PLCB4: variants seen among roughly 807,000 people sequenced by gnomAD.
PLCB4 encodes the protein 1-phosphatidylinositol 4,5-bisphosphate phosphodiesterase beta-4.
Under a neutral mutation model 178.8 loss-of-function variants are expected in PLCB4, and 77 were observed. The observed-to-expected ratio is 0.43, with a 90% CI of 0.36 to 0.52. PLCB4 has a LOEUF of 0.52. PLCB4 is among the 20% of genes least tolerant of loss of function. The pLI, the probability that PLCB4 is intolerant of heterozygous loss-of-function variation, is 0.00. For missense variants in PLCB4, 1,024 were observed against 1,453.4 expected (o/e 0.70, Z 4.80); for synonymous variants, 496 against 490.8 (o/e 1.01, Z -0.14).
At chr20:9,461,479 G>T (rs1048147451) in intron 35 of PLCB4, among the ~76,000 whole-genome samples, 1 of 152,178 alleles carries the variant, frequency 6.6e-6, no homozygotes, top group African/African-American at 2.4e-5. Context: ...AAGCACAAGG[G>T]GTCAGGGGAC....
intron 1 of PLCB4, among the ~76,000 whole-genome samples, chr20:9,083,624 A>G (rs6140857): frequency 0.49 from 73,899 of 151,798 alleles, 18,472 homozygotes; most frequent in Middle Eastern, 0.56. Flanking sequence ...CAGGTTAGGT[A>G]TAATTACGAC....
At chr20:9,362,718 T>A (rs2148237069) in intron 7 of PLCB4, among the ~76,000 whole-genome samples, 178 bp from the exon 8 acceptor site, 1 of 152,340 alleles carries the variant, frequency 6.6e-6, no homozygotes, top group African/African-American at 2.4e-5. Context: ...GAATGAAAGC[T>A]GTTTATTAAA....
chr20:9,124,265 G>A (rs887426337), intron 2 of PLCB4, among the ~76,000 whole-genome samples: 3 of 152,106 alleles, frequency 2.0e-5, no homozygotes, highest in African/African-American at 7.2e-5. Flanking sequence ...CAGAACTTCG[G>A]GAGACTGAAG....
At chr20:9,407,377 T>TTG in intron 21 of PLCB4, among the ~76,000 whole-genome samples, 1 of 151,770 alleles carries the variant, frequency 6.6e-6, no homozygotes, top group South Asian at 2.1e-4. Flanking sequence ...AATTTCTTTT[T>TTG]TTTTTTTTTT....
chr20:9,234,549 A>T (rs2093971542), intron 3 of PLCB4, among the ~76,000 whole-genome samples: 1 of 152,162 alleles, frequency 6.6e-6, no homozygotes, highest in African/African-American at 2.4e-5. Flanking sequence ...AGAATGTTTC[A>T]AATAAGAGAG....
chr20:9,379,472 A>G (rs1287906648), intron 12 of PLCB4, among the ~76,000 whole-genome samples: 1 of 152,176 alleles, frequency 6.6e-6, no homozygotes, highest in Non-Finnish European at 1.5e-5. Flanking sequence ...CATCATTACA[A>G]TTGGTTCGTT....
chr20:9,112,348 G>A (rs1225909770), intron 2 of PLCB4, among the ~76,000 whole-genome samples: 2 of 150,670 alleles, frequency 1.3e-5, no homozygotes, highest in Non-Finnish European at 3.0e-5. Flanking sequence ...TCTGCCTCCT[G>A]GGTTCAAGTG....
At chr20:9,393,497 A>T in intron 17 of PLCB4, 91 bp from the exon 18 acceptor site, 1 of 808,972 alleles carries the variant, frequency 1.2e-6, no homozygotes, top group Non-Finnish European at 2.0e-6. Context: ...GGGTTGCATC[A>T]CTCCCAGGCC....
At chr20:9,312,759 A>G (rs998565230) in intron 4 of PLCB4, among the ~76,000 whole-genome samples, 1 of 152,202 alleles carries the variant, frequency 6.6e-6, no homozygotes, top group Admixed American at 6.5e-5. Flanking sequence ...TTCCAAGAGC[A>G]CTTGAGGAAG....
At position 9,371,232 on chromosome 20, in the gene PLCB4, A is replaced by C. The variant is rs774069201; in HGVS notation, c.522A>C (p.Ala174=). Residue 174 remains alanine (A), a synonymous_variant, in exon 10 of 40, where the codon GCA becomes GCC. Transcript: ENST00000378473. ...IPVRSITRTF[A]SGKTEKVIFQ... ...GCCCTAGTATTACTAGAACATTTGC[A>C]TCGGGAAAAACAGAAAAGGTGATCT... is the stretch of plus-strand genomic sequence containing the variant. The C allele has an allele frequency of 1.2e-6, 2 of 1,607,604 alleles. No individual in the cohort carries two copies. The highest frequency in any genetic ancestry group is 2.7e-5 in the African/African-American group (2 of 74,764).
chr20:9,388,366 C>T (rs959429141), intron 15 of PLCB4, among the ~76,000 whole-genome samples: 2 of 152,142 alleles, frequency 1.3e-5, no homozygotes, highest in Non-Finnish European at 2.9e-5. Context: ...TATTACAACA[C>T]CAGGAGCAGC....
intron 35 of PLCB4, among the ~76,000 whole-genome samples, chr20:9,464,334 T>A (rs1603022791): frequency 6.6e-6 from 1 of 152,094 alleles, no homozygotes; most frequent in African/African-American, 2.4e-5. Flanking sequence ...GCAGGAAAGA[T>A]ATAAAATTGA....
rs73095710 is a variant in PLCB4 at position 9,325,313 on chromosome 20, C to T, written c.85-11813C>T. 7.5e-3 allele frequency among the ~76,000 whole-genome samples: 1,140 copies of T among 152,210 alleles called. 6 individuals carry two copies. The highest frequency in any genetic ancestry group is 0.011 in the Non-Finnish European group (728 of 67,994). On this transcript the variant is annotated intron_variant, in intron 4 of 39. Coordinates refer to ENST00000378473, the MANE Select transcript of PLCB4 (RefSeq NM_001377142.1). ...TCTAAGTTGTTCCTCTTTAATTTTT[C>T]CTTATTTTAGTTGCTAAGGCAACTG...
chr20:9,389,723 A>C (rs1424344727), intron 15 of PLCB4, among the ~76,000 whole-genome samples, 156 bp from the exon 16 acceptor site: 1 of 152,230 alleles, frequency 6.6e-6, no homozygotes, highest in East Asian at 1.9e-4. Flanking sequence ...ACCACAGGGA[A>C]CTCAACCTTT....
In PLCB4 at chr20:9,341,829, G is replaced by A. The variant is rs561955029; in HGVS notation, c.369+2792G>A. Among the ~76,000 whole-genome samples the A allele has an allele frequency of 1.3e-4, 20 of 152,192 alleles. No individual in the cohort carries two copies. In the East Asian group the frequency reaches 3.7e-3, roughly 28 times the overall value. On this transcript the variant is annotated intron_variant, in intron 7 of 39. Coordinates refer to ENST00000378473, the MANE Select transcript of PLCB4 (RefSeq NM_001377142.1). Reference sequence around the variant, plus strand: ...TTATTGCCATTGAAATTTAAGAGCAGCTAGCCAGTTAAGAACTAAAAAATA... The same window carrying A: ...TTATTGCCATTGAAATTTAAGAGCAACTAGCCAGTTAAGAACTAAAAAATA...
chr20:9,301,850 G>C (rs186566354), intron 3 of PLCB4, among the ~76,000 whole-genome samples: 32 of 152,184 alleles, frequency 2.1e-4, no homozygotes, highest in African/African-American at 7.0e-4. Flanking sequence ...TAGTGCAATA[G>C]CTAATCCGAT....
At chr20:9,406,105 GTATACAGA>G (rs2039416381) in intron 21 of PLCB4, among the ~76,000 whole-genome samples, 1 of 151,266 alleles carries the variant, frequency 6.6e-6, no homozygotes, top group Non-Finnish European at 1.5e-5. Flanking sequence ...TGGGTCAACA[GTATACAGA>G]TTGACATTTG....
At chr20:9,353,307 A>G (rs1285432042) in intron 7 of PLCB4, among the ~76,000 whole-genome samples, 1 of 151,952 alleles carries the variant, frequency 6.6e-6, no homozygotes, top group Non-Finnish European at 1.5e-5. Context: ...TTTTTCTTGC[A>G]CTCATCTTTC....
intron 1 of PLCB4, among the ~76,000 whole-genome samples, chr20:9,083,384 C>G (rs898206924): frequency 1.3e-5 from 2 of 152,050 alleles, no homozygotes; most frequent in Non-Finnish European, 2.9e-5. Flanking sequence ...CTCATACACA[C>G]ACACACACAC....
Sources: gnomAD v4.1 joint callset for allele counts (sites outside exome capture counted in the v4.1 genomes callset) on GRCh38, gnomAD v4.1.1 for gene constraint, MANE v1.5 for transcripts, NCBI Gene and HGNC (gene_info 2026-07-23, HGNC 2026-07-21) for gene names.